The following HORMAD2 variants were observed in gnomAD, a reference collection of about 807,000 sequenced individuals.
The protein encoded by HORMAD2 is HORMA domain containing 2.
A neutral mutation model predicts 38.8 loss-of-function variants in HORMAD2; 45 were observed. That is an observed-to-expected ratio of 1.16 (90% confidence interval 0.91 to 1.49). HORMAD2 has a LOEUF of 1.49. Among genes scored for constraint, HORMAD2 ranks in the 40% most tolerant of loss-of-function variants. The pLI is 0.00. For missense variants in HORMAD2, 338 were observed against 367.0 expected (o/e 0.92, Z 0.65); for synonymous variants, 126 against 122.8 (o/e 1.03, Z -0.17).
At chr22:30,125,458 C>T (rs12168499) in intron 10 of HORMAD2, among the ~76,000 whole-genome samples, 31,942 of 151,396 alleles carry the variant, frequency 0.21, 3,866 homozygotes, top group Middle Eastern at 0.38. Context: ...GAACTCCCGA[C>T]CTCAGGTGAT....
At chr22:30,147,172 T>C (rs940503982) in intron 10 of HORMAD2, among the ~76,000 whole-genome samples, 1 of 152,190 alleles carries the variant, frequency 6.6e-6, no homozygotes, top group African/African-American at 2.4e-5. Context: ...TACAAGTTGA[T>C]TCTAAAATTT....
intron 7 of HORMAD2, among the ~76,000 whole-genome samples, chr22:30,113,850 A>G (rs2146113694): frequency 6.6e-6 from 1 of 152,282 alleles, no homozygotes; most frequent in South Asian, 2.1e-4. Flanking sequence ...AAACTTTTAC[A>G]TACGGTAGGT....
chr22:30,088,341 A>G (rs1338100364), intron 1 of HORMAD2, among the ~76,000 whole-genome samples: 2 of 151,334 alleles, frequency 1.3e-5, no homozygotes, highest in Admixed American at 1.3e-4. Flanking sequence ...TACTTTTATA[A>G]ATGTCAATTC....
chr22:30,095,202 TAAA>T (rs563718875), intron 2 of HORMAD2, among the ~76,000 whole-genome samples: 6 of 152,210 alleles, frequency 3.9e-5, no homozygotes, highest in Non-Finnish European at 7.4e-5. Flanking sequence ...TTAATTGGCT[TAAA>T]GAAAAATAAA....
intron 10 of HORMAD2, among the ~76,000 whole-genome samples, chr22:30,130,586 C>CTTTTTTT (rs66636269): frequency 3.5e-4 from 31 of 87,912 alleles, no homozygotes; most frequent in Non-Finnish European, 5.4e-4. Context: ...CTTTTCTTTT[C>CTTTTTTT]TTTTTTTTTT....
At chr22:30,100,194 G>A (rs1367589859) in intron 3 of HORMAD2, among the ~76,000 whole-genome samples, 1 of 152,108 alleles carries the variant, frequency 6.6e-6, no homozygotes, top group Non-Finnish European at 1.5e-5. Flanking sequence ...ATGCTACAAG[G>A]CTACAGTAAC....
At chr22:30,196,426 T>C in the HORMAD2 span, among the ~76,000 whole-genome samples, 1 of 152,150 alleles carries the variant, frequency 6.6e-6, no homozygotes, top group African/African-American at 2.4e-5. Context: ...ATCCTGTCAC[T>C]GGGTGCTGAG....
chr22:30,094,091 A>G (rs1001011600), intron 2 of HORMAD2, 88 bp downstream of exon 2: 32 of 979,836 alleles, frequency 3.3e-5, no homozygotes, highest in Non-Finnish European at 4.5e-5. Context: ...GTGTGTTTTT[A>G]AGCAGCAGTT....
chr22:30,204,825 G>A, the HORMAD2 span, among the ~76,000 whole-genome samples: 1 of 152,220 alleles, frequency 6.6e-6, no homozygotes, highest in East Asian at 1.9e-4. Flanking sequence ...GAGCTCCCCA[G>A]GCTGCTGCCT....
chr22:30,203,742 C>T, the HORMAD2 span, among the ~76,000 whole-genome samples: 5 of 152,340 alleles, frequency 3.3e-5, no homozygotes, highest in East Asian at 9.6e-4. Context: ...CACACATTCT[C>T]ACGCAAAACA....
intron 10 of HORMAD2, among the ~76,000 whole-genome samples, chr22:30,172,748 C>T (rs571083967): frequency 7.9e-5 from 12 of 152,126 alleles, no homozygotes; most frequent in African/African-American, 2.4e-4. Flanking sequence ...ATTAGCTGGG[C>T]GTGGTGGCGG....
chr22:30,202,404 T>A, the HORMAD2 span, among the ~76,000 whole-genome samples: 1 of 151,830 alleles, frequency 6.6e-6, no homozygotes, highest in African/African-American at 2.4e-5. Context: ...AATGGATTTT[T>A]TTTTTTAATT....
At chr22:30,107,537 C>T (rs1164879301) in intron 5 of HORMAD2, among the ~76,000 whole-genome samples, 2 of 151,932 alleles carry the variant, frequency 1.3e-5, no homozygotes, top group African/African-American at 4.8e-5. Context: ...TCTCTTGAAC[C>T]CAGGAGTTTG....
At chr22:30,089,000 C>T (rs1383767444) in intron 1 of HORMAD2, among the ~76,000 whole-genome samples, 1 of 152,136 alleles carries the variant, frequency 6.6e-6, no homozygotes, top group East Asian at 1.9e-4. Flanking sequence ...GGTTAAAGAA[C>T]TATTGGTGGT....
In HORMAD2 at chr22:30,130,735, G is replaced by A. The variant is rs148476585; in HGVS notation, c.819+8521G>A. ...CCACCCGAGTAACTGGGACTACAGG[G>A]GCGTGTCACCATGTCTGGCTAATTT... On this transcript the variant is annotated intron_variant, in intron 10 of 10. Coordinates refer to ENST00000336726, the MANE Select transcript of HORMAD2 (RefSeq NM_152510.4). Among the ~76,000 whole-genome samples the A allele has an allele frequency of 4.5e-3, 688 of 151,450 alleles. 22 individuals carry two copies. The highest frequency in any genetic ancestry group is 0.042 in the Admixed American group (641 of 15,206).
chr22:30,164,778 G>A (rs1925675086), intron 10 of HORMAD2, among the ~76,000 whole-genome samples: 1 of 152,150 alleles, frequency 6.6e-6, no homozygotes, highest in Admixed American at 6.6e-5. Context: ...ACAAGTGTGA[G>A]CCACCATACC....
intron 1 of HORMAD2, among the ~76,000 whole-genome samples, chr22:30,089,930 T>G (rs1320616110): frequency 1.3e-5 from 2 of 152,246 alleles, no homozygotes; most frequent in African/African-American, 2.4e-5. Flanking sequence ...TTTCTGTCTC[T>G]GTGAATTTGC....
intron 10 of HORMAD2, among the ~76,000 whole-genome samples, chr22:30,136,008 G>A (rs1026880964): frequency 6.6e-6 from 1 of 152,156 alleles, no homozygotes; most frequent in Non-Finnish European, 1.5e-5. Flanking sequence ...AAAATTAGTA[G>A]ATAAGGACTT....
At chr22:30,139,791 G>T (rs1449882565) in intron 10 of HORMAD2, among the ~76,000 whole-genome samples, 1 of 151,948 alleles carries the variant, frequency 6.6e-6, no homozygotes, top group African/African-American at 2.4e-5. Context: ...TCATGGAAGG[G>T]TGTTGGATTT....
Sources: gnomAD v4.1 joint callset for allele counts (sites outside exome capture counted in the v4.1 genomes callset) on GRCh38, gnomAD v4.1.1 for gene constraint, MANE v1.5 for transcripts, NCBI Gene and HGNC (gene_info 2026-07-23, HGNC 2026-07-21) for gene names.